SPATA13: variants seen among roughly 807,000 people sequenced by gnomAD.
SPATA13 encodes the protein spermatogenesis associated 13, also known as spermatogenesis-associated protein 13.
Under a neutral mutation model 104.0 loss-of-function variants are expected in SPATA13, and 50 were observed. That is an observed-to-expected ratio of 0.48 (90% CI 0.38 to 0.61). SPATA13 has a LOEUF of 0.61. Among genes scored for constraint, SPATA13 ranks in the 20% least tolerant of loss-of-function variants. The pLI is 0.00. For synonymous variants in SPATA13, 606 were observed against 667.5 expected (o/e 0.91, Z 1.42); for missense variants, 1,524 against 1,690.6 (o/e 0.90, Z 1.73).
In SPATA13 at chr13:24,040,627, A is replaced by C. The variant is rs571414158; in HGVS notation, c.-112+22926A>C. On this transcript the variant is annotated intron_variant, in intron 3 of 14. Coordinates refer to the SPATA13 transcript ENST00000424834. ...CAGGACACAAAGCCTGCCAAGCACC[A>C]ATTTTGTAAAGTTCAGTTTTAATGA... 6.2e-4 allele frequency among the ~76,000 whole-genome samples: 95 copies of C among 152,186 alleles called. 2 individuals carry two copies. In the South Asian group the frequency reaches 0.017, roughly 28 times the overall value.
At chr13:24,076,265 C>T (rs1879323184) in intron 3 of SPATA13, among the ~76,000 whole-genome samples, 1 of 152,066 alleles carries the variant, frequency 6.6e-6, no homozygotes, top group Admixed American at 6.5e-5. Flanking sequence ...AACTATGCAG[C>T]CTGAACTCCT....
At chr13:24,059,172 C>T (rs569355858) in intron 3 of SPATA13, among the ~76,000 whole-genome samples, 19 of 151,662 alleles carry the variant, frequency 1.3e-4, no homozygotes, top group African/African-American at 4.1e-4. Flanking sequence ...GGGGTTTCAC[C>T]GTGTTAGCCA....
At chr13:24,068,336 T>G (rs1442133354) in intron 3 of SPATA13, among the ~76,000 whole-genome samples, 1 of 152,220 alleles carries the variant, frequency 6.6e-6, no homozygotes, top group East Asian at 1.9e-4. Context: ...TTTTTTGTGG[T>G]TGCATAGTAT....
At chr13:24,300,741 T>A (rs1877125199) in intron 12 of SPATA13, among the ~76,000 whole-genome samples, 1 of 152,190 alleles carries the variant, frequency 6.6e-6, no homozygotes, top group Non-Finnish European at 1.5e-5. Flanking sequence ...CTTGCCTGCC[T>A]GGGGCCCCTC....
chr13:24,126,605 G>T (rs868150967), intron 3 of SPATA13, among the ~76,000 whole-genome samples: 15 of 152,214 alleles, frequency 9.9e-5, no homozygotes, highest in African/African-American at 3.4e-4. Context: ...CACTCAGGCT[G>T]GAGTGCAGTG....
At chr13:24,032,092 G>T (rs966411455) in intron 3 of SPATA13, among the ~76,000 whole-genome samples, 18 of 152,100 alleles carry the variant, frequency 1.2e-4, no homozygotes, top group African/African-American at 4.1e-4. Context: ...CCCATGCTTG[G>T]TGTCTGATTA....
At chr13:24,106,976 T>C (rs893934303) in intron 3 of SPATA13, among the ~76,000 whole-genome samples, 1 of 152,040 alleles carries the variant, frequency 6.6e-6, no homozygotes, top group Non-Finnish European at 1.5e-5. Context: ...CTGATAGGAT[T>C]CTAGTGCATT....
Position 24,236,552 on chromosome 13 carries a change from C to T in SPATA13, c.1653+11970C>T, listed in dbSNP as rs567045229. On this transcript the variant is annotated intron_variant, in intron 2 of 12. Coordinates refer to ENST00000382108, the MANE Select transcript of SPATA13 (RefSeq NM_001166271.3). Reference sequence around the variant, plus strand: ...CGGAGGTTGCAGTGAGCCAATATTGCGCCACTGCACTCCAGCCTGGGTGAC... The same window carrying T: ...CGGAGGTTGCAGTGAGCCAATATTGTGCCACTGCACTCCAGCCTGGGTGAC... 1.2e-4 allele frequency among the ~76,000 whole-genome samples: 18 copies of T among 147,268 alleles called. No homozygotes were observed. The South Asian group carries it at 3.0e-3, about 25-fold the overall frequency.
Position 24,302,741 on chromosome 13 carries a change from A to G in SPATA13, c.3802A>G (p.Thr1268Ala). The G allele has an allele frequency of 6.2e-7, 1 of 1,614,128 alleles. No individual in the cohort carries two copies. Among genetic ancestry groups the G allele is most frequent in the Non-Finnish European group, 8.5e-7 (1 of 1,180,028 alleles). ...GAGGAAGTCCTCGCTCTTCTGGCAC[A>G]CCTTCAACAGGCTCACCCCCTTCCG... ...PKRKSSLFWH[T>A]FNRLTPFRK The change falls in exon 13 of 13, where the codon ACC becomes GCC. Residue 1268 changes from threonine to alanine, a missense_variant. This residue lies in a region of SPATA13 where 435 missense variants were observed against 554.8 expected (regional missense o/e 0.78). Transcript: ENST00000382108.
chr13:24,067,442 T>C (rs1879003773), intron 3 of SPATA13, among the ~76,000 whole-genome samples: 1 of 152,170 alleles, frequency 6.6e-6, no homozygotes, highest in African/African-American at 2.4e-5. Context: ...AAGCAAGACA[T>C]AAAGAACTAC....
chr13:24,016,418 T>C (rs529564551), intron 2 of SPATA13, among the ~76,000 whole-genome samples: 7 of 152,364 alleles, frequency 4.6e-5, no homozygotes, highest in African/African-American at 1.7e-4. Flanking sequence ...TTTCTTTAAT[T>C]GACTTCTCAC....
chr13:24,190,059 TG>T (rs1405957450), intron 1 of SPATA13, among the ~76,000 whole-genome samples: 4 of 85,808 alleles, frequency 4.7e-5, no homozygotes, highest in East Asian at 4.0e-4. Flanking sequence ...TAACATATAA[TG>T]ATATACTATA....
intron 2 of SPATA13, among the ~76,000 whole-genome samples, chr13:24,238,098 A>G (rs1872659992): frequency 7.7e-6 from 1 of 129,652 alleles, no homozygotes; most frequent in South Asian, 2.4e-4. Flanking sequence ...ATAAATTTGC[A>G]TTCCACTTTC....
chr13:24,223,602 A>G lies in SPATA13; in HGVS notation c.673A>G (p.Thr225Ala). ...TGCGCCCCAGAACCATGCGACACCC[A>G]CGATAGCCACTGGCCAGGTGCCCGC... ...LDAPQNHATP[T>A]IATGQVPAVC... The change falls in exon 2 of 13, where the codon ACG becomes GCG. Residue 225 changes from threonine to alanine, a missense_variant. Transcript: ENST00000382108. 1 of 1,551,162 alleles carries G rather than the reference A, an allele frequency of 6.4e-7. No homozygotes were observed. Among genetic ancestry groups the G allele is most frequent in the Non-Finnish European group, 8.7e-7 (1 of 1,147,022 alleles).
intron 4 of SPATA13, among the ~76,000 whole-genome samples, chr13:24,281,429 C>G (rs1271270581): frequency 1.3e-5 from 2 of 152,186 alleles, no homozygotes; most frequent in Non-Finnish European, 1.5e-5. Context: ...TGAGAGCTCT[C>G]CCCTGGCTTC....
chr13:24,112,940 A>G (rs530906742), intron 3 of SPATA13, among the ~76,000 whole-genome samples: 1 of 152,320 alleles, frequency 6.6e-6, no homozygotes, highest in East Asian at 1.9e-4. Context: ...CTACTGATTT[A>G]TAATTCATTC....
chr13:24,028,570 A>C (rs1877337563), intron 3 of SPATA13, among the ~76,000 whole-genome samples: 1 of 152,154 alleles, frequency 6.6e-6, no homozygotes, highest in Non-Finnish European at 1.5e-5. Context: ...TCAGTTTTTT[A>C]GTGATGTGTC....
intron 3 of SPATA13, among the ~76,000 whole-genome samples, chr13:24,096,840 C>T (rs1880101438): frequency 6.6e-6 from 1 of 152,170 alleles, no homozygotes; most frequent in Non-Finnish European, 1.5e-5. Flanking sequence ...TCATGCAGGC[C>T]AGATCATTTC....
At position 24,229,662 on chromosome 13, in the gene SPATA13, T is replaced by C. The variant is rs1214625071; in HGVS notation, c.1653+5080T>C. On this transcript the variant is annotated intron_variant, in intron 2 of 12. Transcript: ENST00000382108. ...AACACTGTTACAGTCTTACAGGGGA[T>C]GGAGAAGTTCTTCAAACAGTTAGTT... Among the ~76,000 whole-genome samples, 4 of 152,266 alleles carry C rather than the reference T, an allele frequency of 2.6e-5. No homozygotes were observed. In the East Asian group the frequency reaches 7.7e-4, roughly 29 times the overall value.
Sources: allele counts gnomAD v4.1 joint callset (sites outside exome capture counted in the v4.1 genomes callset), GRCh38; gene constraint gnomAD v4.1.1; regional missense constraint gnomAD v4.1.1; transcripts MANE v1.5; gene names NCBI Gene and HGNC (gene_info 2026-07-23, HGNC 2026-07-21).